MYO9B: variants seen among roughly 807,000 people sequenced by gnomAD.
MYO9B encodes unconventional myosin-IXb.
A neutral mutation model predicts 229.5 loss-of-function variants in MYO9B; 71 were observed. The ratio of observed to expected loss-of-function variants is 0.31; its 90% CI spans 0.26 to 0.38. The LOEUF is 0.38. MYO9B is among the 10% of genes least tolerant of loss of function. MYO9B has a pLI of 1.00. For synonymous variants in MYO9B, 1,185 were observed against 1,235.8 expected, an observed-to-expected ratio of 0.96 and a Z score of 0.86; for missense variants, 2,255 against 2,920.5, an observed-to-expected ratio of 0.77 and a Z score of 5.25.
In MYO9B at chr19:17,089,262, C is replaced by T. The variant is rs555004074; in HGVS notation, c.-58-12398C>T. On this transcript the variant is annotated intron_variant, in intron 1 of 39. Coordinates refer to ENST00000682292, the MANE Select transcript of MYO9B (RefSeq NM_004145.4). ...CCATCTTTCCCATACTGCCCATGAGCGTTTCTTCTAAAAAAAAAAAAAATC... is the reference window on the plus strand; with the variant it reads ...CCATCTTTCCCATACTGCCCATGAGTGTTTCTTCTAAAAAAAAAAAAAATC... 2.6e-4 allele frequency among the ~76,000 whole-genome samples: 39 copies of T among 150,234 alleles called. 1 individual carries two copies. The highest frequency in any genetic ancestry group is 8.6e-4 in the Admixed American group (13 of 15,040).
intron 2 of MYO9B, among the ~76,000 whole-genome samples, chr19:17,105,020 C>G (rs1024321196): frequency 6.6e-6 from 1 of 152,090 alleles, no homozygotes; most frequent in Non-Finnish European, 1.5e-5. Context: ...AGTGGTGTCA[C>G]TGCCCTAAAA....
At chr19:17,149,728 T>C (rs1364555411) in intron 3 of MYO9B, among the ~76,000 whole-genome samples, 1 of 152,158 alleles carries the variant, frequency 6.6e-6, no homozygotes, top group Admixed American at 6.6e-5. Flanking sequence ...GTTCTCCAAT[T>C]TATGAGGCTG....
intron 4 of MYO9B, among the ~76,000 whole-genome samples, chr19:17,153,731 G>A (rs1452995305): frequency 3.3e-5 from 5 of 151,430 alleles, no homozygotes; most frequent in African/African-American, 1.2e-4. Context: ...AAACATTTCT[G>A]ATTGACAAAT....
chr19:17,112,325 A>C (rs1439486153), intron 2 of MYO9B, among the ~76,000 whole-genome samples: 1 of 152,152 alleles, frequency 6.6e-6, no homozygotes, highest in African/African-American at 2.4e-5. Context: ...AGAAGGGGGC[A>C]GGCGTGCCCA....
At chr19:17,104,838 G>T (rs12977269) in intron 2 of MYO9B, among the ~76,000 whole-genome samples, 21,985 of 152,062 alleles carry the variant, frequency 0.14, 1,903 homozygotes, top group Non-Finnish European at 0.2. Context: ...CCACGCCCAG[G>T]TTCTCACATT....
intron 37 of MYO9B, 105 bp downstream of exon 37, chr19:17,210,485 A>G: frequency 2.2e-6 from 3 of 1,385,244 alleles, no homozygotes; most frequent in Non-Finnish European, 2.9e-6. Context: ...AGCCTGTCCT[A>G]ACCTTCCGGA....
Position 17,212,650 on chromosome 19 carries a change from G to A in MYO9B, c.*340G>A, listed in dbSNP as rs3760630. 3.3e-6 allele frequency: 1 copy of A among 301,122 alleles called. No individual in the cohort carries two copies. The highest frequency in any genetic ancestry group is 6.1e-6 in the Non-Finnish European group (1 of 163,848). The allele number at this position is 301,122 out of a possible 1,614,324, so 18.7% of individuals were successfully genotyped here. A position where few individuals can be genotyped will look rare whatever the true frequency, so the allele number is the denominator to read the frequency against. ...TTAAACTGTAACAGCCTTAATGGAA[G>A]ACCAAATGGTTTTTTATATGTGTAT... On this transcript the variant is annotated 3_prime_UTR_variant, in exon 40 of 40. Transcript: ENST00000682292. The surrounding 1 kb of genome is among the most constrained non-coding windows in gnomAD (Gnocchi z 5.4).
chr19:17,080,979 C>A (rs1218829621), intron 1 of MYO9B, among the ~76,000 whole-genome samples: 1 of 151,948 alleles, frequency 6.6e-6, no homozygotes, highest in Non-Finnish European at 1.5e-5. Flanking sequence ...CAGCTCAGCC[C>A]ATAATACTGA....
At position 17,157,043 on chromosome 19, in the gene MYO9B, T is replaced by A. The variant is rs188788566; in HGVS notation, c.1329+5T>A. 3 of 1,612,762 alleles carry A rather than the reference T, an allele frequency of 1.9e-6. No individual in the cohort carries two copies. The Admixed American group carries it at 5.0e-5, about 27-fold the overall frequency. On this transcript the variant is annotated splice_donor_5th_base_variant and intron_variant, in intron 7 of 39. Transcript: ENST00000682292. ...ACCCTGTCGCAGCTTCTGAAGGTAC[T>A]GATTGCCACCTCTGTCCCTTCTCAG...
intron 6 of MYO9B, 34 bp downstream of exon 6, chr19:17,154,449 G>GT: frequency 1.3e-6 from 2 of 1,550,716 alleles, no homozygotes; most frequent in Non-Finnish European, 1.8e-6. Flanking sequence ...CTGTCCCCCA[G>GT]AGCCTACAGG....
chr19:17,163,868 T>C (rs775910617), intron 10 of MYO9B, among the ~76,000 whole-genome samples: 5 of 152,234 alleles, frequency 3.3e-5, no homozygotes, highest in Admixed American at 1.3e-4. Flanking sequence ...ATTTTGCTTA[T>C]CCATCCATCC....
chr19:17,079,966 C>A (rs2057519891), intron 1 of MYO9B, among the ~76,000 whole-genome samples: 1 of 152,218 alleles, frequency 6.6e-6, no homozygotes, highest in Admixed American at 6.5e-5. Flanking sequence ...CTTTCAATTT[C>A]TATCGTGGCT....
At chr19:17,115,064 C>A (rs2057888217) in intron 2 of MYO9B, among the ~76,000 whole-genome samples, 1 of 151,874 alleles carries the variant, frequency 6.6e-6, no homozygotes, top group African/African-American at 2.4e-5. Context: ...TCATAGTTCA[C>A]TGCAGCCTCA....
chr19:17,152,762 C>CT, intron 4 of MYO9B, 56 bp downstream of exon 4: 2 of 1,483,420 alleles, frequency 1.3e-6, no homozygotes, highest in Non-Finnish European at 1.9e-6. Context: ...TACGTTTCCT[C>CT]CTACAGAGGA....
chr19:17,207,352 C>T, intron 35 of MYO9B, 108 bp downstream of exon 35: 4 of 1,423,734 alleles, frequency 2.8e-6, no homozygotes, highest in Non-Finnish European at 2.9e-6. Flanking sequence ...AAGTCCAGAG[C>T]CGAGTGCAGC....
At chr19:17,206,225 G>GGGGGGGCCC in intron 32 of MYO9B, 23 bp from the exon 33 acceptor site, 10 of 1,564,630 alleles carry the variant, frequency 6.4e-6, no homozygotes, top group Admixed American at 1.8e-5. Flanking sequence ...CCGCTCACCA[G>GGGGGGGCCC]ACCCACCCCA....
intron 15 of MYO9B, chr19:17,183,620 G>A (rs911894578): frequency 3.6e-6 from 2 of 555,890 alleles, no homozygotes; most frequent in Non-Finnish European, 3.2e-6. Context: ...GCCAACCCAG[G>A]GAAACTGGTG....
intron 13 of MYO9B, among the ~76,000 whole-genome samples, chr19:17,173,961 T>A (rs972210615): frequency 1.8e-4 from 27 of 151,488 alleles, no homozygotes; most frequent in African/African-American, 5.8e-4. Context: ...TGCTCTGTTT[T>A]GGGGATCCAA....
intron 7 of MYO9B, among the ~76,000 whole-genome samples, chr19:17,158,798 G>T (rs549369450): frequency 6.6e-6 from 1 of 152,178 alleles, no homozygotes; most frequent in East Asian, 1.9e-4. Context: ...CCCGTGGCTC[G>T]CACTCACATA....
Sources: gnomAD v4.1 joint callset for allele counts (sites outside exome capture counted in the v4.1 genomes callset) on GRCh38, gnomAD v4.1.1 for gene constraint, Gnocchi (gnomAD v3.1) non-coding constraint, MANE v1.5 for transcripts, NCBI Gene and HGNC (gene_info 2026-07-23, HGNC 2026-07-21) for gene names.